The following ENO1 variants were observed in gnomAD, a reference collection of about 807,000 sequenced individuals.
The protein encoded by ENO1 is enolase 1.
In ENO1, 33 loss-of-function variants were observed where a neutral mutation model predicts 46.3. The observed-to-expected ratio is 0.71, with a 90% CI of 0.54 to 0.95. ENO1 has a LOEUF of 0.95. Among genes scored for constraint, ENO1 ranks in the 40% least tolerant of loss-of-function variants. The pLI, the probability that ENO1 is intolerant of heterozygous loss-of-function variation, is 0.00. For missense variants in ENO1, 488 were observed against 553.3 expected, an observed-to-expected ratio of 0.88 and a Z score of 1.18; for synonymous variants, 220 against 216.0, an observed-to-expected ratio of 1.02 and a Z score of -0.16.
intron 1 of ENO1, among the ~76,000 whole-genome samples, chr1:8,876,858 T>C (rs1642744013): frequency 2.6e-5 from 4 of 152,134 alleles, no homozygotes; most frequent in Non-Finnish European, 5.9e-5. Context: ...TTTTTTTATT[T>C]TTTGAGACGG....
rs267598749 is a variant in ENO1 at position 8,863,965 on chromosome 1, G to A, written c.993C>T (p.Ala331=). 12 of 1,613,960 alleles carry A rather than the reference G, an allele frequency of 7.4e-6. No homozygotes were observed. Among genetic ancestry groups the A allele is most frequent in the African/African-American group, 2.7e-5 (2 of 74,878 alleles). ...GGCAGTTGCAGGACTTCTCGTTCAC[G>A]GCCTTGGCGATCCTCTTTGGGTTGG... is the stretch of plus-strand genomic sequence containing the variant. The part of the protein sequence containing the change: ...TVTNPKRIAK[A]VNEKSCNCLL... Residue 331 remains alanine, a synonymous_variant, in exon 9 of 12, where the codon GCC becomes GCT. Coordinates refer to ENST00000234590, the MANE Select transcript of ENO1 (RefSeq NM_001428.5).
At chr1:8,867,273 G>A (rs1642540988) in intron 5 of ENO1, 23 bp from the exon 6 acceptor site, 2 of 1,612,176 alleles carry the variant, frequency 1.2e-6, no homozygotes, top group Non-Finnish European at 1.7e-6. Context: ...AGAACCGAGT[G>A]GAATGAAGTC....
rs753272076 is a variant in ENO1 at position 8,868,061 on chromosome 1, CGAGG to C, written c.241-8_241-5del. 7 of 1,612,742 alleles carry C rather than the reference CGAGG, an allele frequency of 4.3e-6. No homozygotes were observed. The highest frequency in any genetic ancestry group is 1.3e-5 in the African/African-American group (1 of 74,850). Reference sequence around the variant, plus strand: ...CTTGTTCTGTGACGTTCAGTTTCTACGAGGGAGAGGGGAGAATGAGGGGTTGGGG... The same window carrying C: ...CTTGTTCTGTGACGTTCAGTTTCTACGAGAGGGGAGAATGAGGGGTTGGGG... On this transcript the variant is annotated splice_region_variant and splice_polypyrimidine_tract_variant and intron_variant, in intron 4 of 11. Coordinates refer to ENST00000234590, the MANE Select transcript of ENO1 (RefSeq NM_001428.5).
chr1:8,868,100 T>C (rs184959460), intron 4 of ENO1, 43 bp from the exon 5 acceptor site: 88 of 1,410,700 alleles, frequency 6.2e-5, no homozygotes, highest in African/African-American at 6.1e-4. Context: ...GCCACTCTTA[T>C]CTGCATAGCC....
In ENO1 at chr1:8,865,449, G is replaced by A. The variant is rs1414503479; in HGVS notation, c.701C>T (p.Ala234Val). ...GATGACCACCTTATCAGTGTAGCCAGCTTTCCCAATAGCAGTCTTCAGCAG... is the reference window on the plus strand; with the variant it reads ...GATGACCACCTTATCAGTGTAGCCAACTTTCCCAATAGCAGTCTTCAGCAG... ...LELLKTAIGK[A>V]GYTDKVVIGM... The change falls in exon 8 of 12, where the codon GCT (alanine) becomes GTT (valine). Residue 234 changes from alanine (A) to valine (V), a missense_variant. Ala to Val is a moderately conservative substitution (Grantham distance 64). Transcript: ENST00000234590. 5.6e-6 allele frequency: 9 copies of A among 1,613,618 alleles called. No individual in the cohort carries two copies. The highest frequency in any genetic ancestry group is 7.6e-6 in the Non-Finnish European group (9 of 1,180,038).
Position 8,861,300 on chromosome 1 carries a change from GAC to G in ENO1, c.*58_*59del. On this transcript the variant is annotated 3_prime_UTR_variant, in exon 12 of 12. Transcript: ENST00000234590. ...TCGGGGGCCTCGAGCTGCCTGAGCT[GAC>G]ACGAGGGGAGGGGTCTGTGTAGCCA... 1 of 1,575,808 alleles carries G rather than the reference GAC, an allele frequency of 6.3e-7. No individual in the cohort carries two copies. Among genetic ancestry groups the G allele is most frequent in the Non-Finnish European group, 8.7e-7 (1 of 1,147,394 alleles).
intron 11 of ENO1, among the ~76,000 whole-genome samples, chr1:8,862,003 C>T (rs1366480484): frequency 6.6e-6 from 1 of 151,806 alleles, no homozygotes; most frequent in East Asian, 1.9e-4. Context: ...AAACAATTAG[C>T]CAGGCATGGT....
intron 9 of ENO1, 33 bp downstream of exon 9, chr1:8,863,858 G>A (rs751727605): frequency 6.2e-7 from 1 of 1,611,596 alleles, no homozygotes; most frequent in Admixed American, 1.7e-5. Context: ...AGCCGTAGCT[G>A]CGGGAAAGCT....
At position 8,867,252 on chromosome 1, in the gene ENO1, T is replaced by C; in HGVS notation, c.311-2A>G. ...GAATGGCGTTCGCACCAAACTTAGCTAGAACAGAAGAGAACCGAGTGGAAT... is the reference window on the plus strand; with the variant it reads ...GAATGGCGTTCGCACCAAACTTAGCCAGAACAGAAGAGAACCGAGTGGAAT... On this transcript the variant is annotated splice_acceptor_variant, in intron 5 of 11. Coordinates refer to ENST00000234590, the MANE Select transcript of ENO1 (RefSeq NM_001428.5). LOFTEE classifies it high-confidence loss of function. The C allele has an allele frequency of 6.2e-7, 1 of 1,614,080 alleles. No individual in the cohort carries two copies. Among genetic ancestry groups the C allele is most frequent in the Non-Finnish European group, 8.5e-7 (1 of 1,179,968 alleles).
intron 2 of ENO1, among the ~76,000 whole-genome samples, chr1:8,873,199 A>G (rs1053798094): frequency 6.6e-6 from 1 of 152,186 alleles, no homozygotes; most frequent in Non-Finnish European, 1.5e-5. Flanking sequence ...GTGTTCACGC[A>G]TGTTGACCAC....
chr1:8,863,007 G>T lies in ENO1; in HGVS notation c.1177-62C>A. 6 of 1,591,206 alleles carry T rather than the reference G, an allele frequency of 3.8e-6. No homozygotes were observed. In the South Asian group the frequency reaches 6.7e-5, roughly 18 times the overall value. On this transcript the variant is annotated intron_variant, in intron 10 of 11. Coordinates refer to ENST00000234590, the MANE Select transcript of ENO1 (RefSeq NM_001428.5). The stretch of plus-strand genomic sequence containing the variant: ...AAGCTTTGCAGGCATTTCTGGCAGG[G>T]AGAGGGTGTGGTGTCAGAGAGAGAA...
At position 8,863,314 on chromosome 1, in the gene ENO1, C is replaced by T; in HGVS notation, c.1097G>A (p.Gly366Asp). ...CCCCGAACGATGAGACACCATGACGCCCCAACCATTGGCCTGGGCCAGCTT... is the reference window on the plus strand; with the variant it reads ...CCCCGAACGATGAGACACCATGACGTCCCAACCATTGGCCTGGGCCAGCTT... The part of the protein sequence containing the change: ...ACKLAQANGW[G>D]VMVSHRSGET... Residue 366 changes from glycine (G) to aspartate (D), a missense_variant, in exon 10 of 12, where the codon GGC (glycine) becomes GAC (aspartate). Gly to Asp is a moderately conservative substitution (Grantham distance 94). Coordinates refer to ENST00000234590, the MANE Select transcript of ENO1 (RefSeq NM_001428.5). 6.2e-7 allele frequency: 1 copy of T among 1,614,032 alleles called. No individual in the cohort carries two copies. The highest frequency in any genetic ancestry group is 8.5e-7 in the Non-Finnish European group (1 of 1,179,938).
chr1:8,862,275 C>CA (rs561200285), intron 11 of ENO1, among the ~76,000 whole-genome samples: 76 of 152,032 alleles, frequency 5.0e-4, no homozygotes, highest in Non-Finnish European at 1.0e-3. Context: ...AACAAAACAA[C>CA]AAAAAAGCCC....
intron 2 of ENO1, chr1:8,873,929 G>A (rs1326319775): frequency 6.6e-6 from 1 of 152,176 alleles, no homozygotes; most frequent in Non-Finnish European, 1.5e-5. Context: ...TCTTCTTAAA[G>A]GAAGGAGTTT....
intron 10 of ENO1, 39 bp downstream of exon 10, chr1:8,863,196 T>C: frequency 6.2e-7 from 1 of 1,608,588 alleles, no homozygotes; most frequent in Admixed American, 1.7e-5. Context: ...TCCTAGGAAG[T>C]TGAGGTCAGA....
At chr1:8,865,138 C>A (rs1398172529) in intron 8 of ENO1, 147 bp downstream of exon 8, 5 of 969,928 alleles carry the variant, frequency 5.2e-6, no homozygotes, top group Admixed American at 4.8e-5. Flanking sequence ...GGGGGCAAAC[C>A]CAGTGGTGAA....
chr1:8,867,215 G>A lies in ENO1; in HGVS notation c.346C>T (p.Leu116Phe). 3 of 1,614,220 alleles carry A rather than the reference G, an allele frequency of 1.9e-6. No homozygotes were observed. Among genetic ancestry groups the A allele is most frequent in the Non-Finnish European group, 2.5e-6 (3 of 1,180,032 alleles). ...ACGGCACCAGCTTTGCAGACGGCAA[G>A]GGACACCCCCAGAATGGCGTTCGCA... ...FGANAILGVS[L>F]AVCKAGAVEK... The change falls in exon 6 of 12, where the codon CTT becomes TTT. Residue 116 changes from leucine (L) to phenylalanine (F), a missense_variant. Physicochemically the swap from Leu to Phe is conservative, Grantham distance 22 (BLOSUM62 0). Coordinates refer to ENST00000234590, the MANE Select transcript of ENO1 (RefSeq NM_001428.5).
intron 11 of ENO1, 81 bp downstream of exon 11, chr1:8,862,805 CT>C: frequency 6.7e-7 from 1 of 1,498,308 alleles, no homozygotes; most frequent in Non-Finnish European, 9.1e-7. Context: ...CCAGGAGCTC[CT>C]GGGGGAGGGC....
rs1458650001 is a variant in ENO1 at position 8,864,972 on chromosome 1, T to C, written c.865+313A>G. ...ATGATACATCTCAGTACCAAGTGGC[T>C]GTTCTGATTCTGAAGGCTTGGTTCC... On this transcript the variant is annotated intron_variant, in intron 8 of 11. Transcript: ENST00000234590. Among the ~76,000 whole-genome samples the C allele has an allele frequency of 2.0e-5, 3 of 152,358 alleles. No homozygotes were observed. The South Asian group carries it at 6.2e-4, about 32-fold the overall frequency.
Sources: allele counts gnomAD v4.1 joint callset (sites outside exome capture counted in the v4.1 genomes callset), GRCh38; gene constraint gnomAD v4.1.1; transcripts MANE v1.5; gene names NCBI Gene and HGNC (gene_info 2026-07-23, HGNC 2026-07-21).